The following CNTN5 variants were observed in gnomAD, a reference collection of about 807,000 sequenced individuals.
CNTN5 encodes contactin 5.
Under a neutral mutation model 129.1 loss-of-function variants are expected in CNTN5, and 77 were observed. The ratio of observed to expected loss-of-function variants is 0.60; its 90% CI spans 0.50 to 0.72. The LOEUF (loss-of-function observed/expected upper bound fraction) is 0.72, where lower values mean the gene tolerates loss of function less well. CNTN5 is among the 30% of genes least tolerant of loss of function. The pLI, the probability that CNTN5 is intolerant of heterozygous loss-of-function variation, is 0.00. For missense variants in CNTN5, 1,478 were observed against 1,328.8 expected, an observed-to-expected ratio of 1.11 and a Z score of -1.75; for synonymous variants, 509 against 465.6, an observed-to-expected ratio of 1.09 and a Z score of -1.20.
chr11:99,711,598 G>C (rs762048889), intron 3 of CNTN5, among the ~76,000 whole-genome samples: 16 of 151,602 alleles, frequency 1.1e-4, no homozygotes, highest in Non-Finnish European at 1.9e-4. Context: ...CATCATTCAC[G>C]TTAGGTATTT....
chr11:100,134,350 T>G (rs1239915680), intron 13 of CNTN5, among the ~76,000 whole-genome samples: 1 of 152,162 alleles, frequency 6.6e-6, no homozygotes, highest in Non-Finnish European at 1.5e-5. Context: ...TCGATGAAAT[T>G]CAGCCTCCAC....
intron 2 of CNTN5, among the ~76,000 whole-genome samples, chr11:99,339,069 G>A (rs577452313): frequency 2.3e-4 from 35 of 149,928 alleles, no homozygotes; most frequent in East Asian, 1.2e-3. Flanking sequence ...GATAAATGCT[G>A]AGGGGATGGA....
intron 20 of CNTN5, among the ~76,000 whole-genome samples, chr11:100,306,312 A>G (rs1471198507): frequency 2.0e-5 from 3 of 151,640 alleles, no homozygotes; most frequent in African/African-American, 7.3e-5. Flanking sequence ...GAAATACTTA[A>G]ACTTGTACAG....
intron 3 of CNTN5, among the ~76,000 whole-genome samples, chr11:99,633,403 T>C (rs1951436258): frequency 6.6e-6 from 1 of 152,210 alleles, no homozygotes; most frequent in Non-Finnish European, 1.5e-5. Context: ...TTCTCACATG[T>C]CTAATAAAGA....
chr11:99,828,452 A>G (rs1221162969), intron 4 of CNTN5, among the ~76,000 whole-genome samples: 2 of 152,186 alleles, frequency 1.3e-5, no homozygotes, highest in Admixed American at 6.5e-5. Context: ...GGGCAGAGAC[A>G]GTGAGAGCAA....
chr11:100,316,534 T>A (rs1287083953), intron 21 of CNTN5, among the ~76,000 whole-genome samples: 2 of 152,232 alleles, frequency 1.3e-5, no homozygotes, highest in Non-Finnish European at 2.9e-5. Flanking sequence ...GCCAATGCCT[T>A]ACATGGGTGT....
At chr11:99,050,005 G>T (rs905181395) in intron 1 of CNTN5, among the ~76,000 whole-genome samples, 2 of 152,132 alleles carry the variant, frequency 1.3e-5, no homozygotes, top group African/African-American at 4.8e-5. Flanking sequence ...GATGGTGAGA[G>T]TATTATGCAA....
chr11:99,327,696 G>A (rs1346005512), intron 2 of CNTN5, among the ~76,000 whole-genome samples: 5 of 152,106 alleles, frequency 3.3e-5, no homozygotes, highest in East Asian at 3.8e-4. Context: ...TAAATAAAAC[G>A]CCATTTCATT....
At chr11:100,135,407 C>A (rs1257743268) in intron 13 of CNTN5, among the ~76,000 whole-genome samples, 1 of 151,926 alleles carries the variant, frequency 6.6e-6, no homozygotes, top group Non-Finnish European at 1.5e-5. Flanking sequence ...GATCTCCTGA[C>A]CTTATGATCC....
intron 4 of CNTN5, among the ~76,000 whole-genome samples, chr11:99,840,943 A>C (rs1474931677): frequency 1.3e-5 from 2 of 152,112 alleles, no homozygotes; most frequent in African/African-American, 4.8e-5. Context: ...GTATATCTAT[A>C]ATCTCTTTAC....
At chr11:99,158,115 G>A (rs1019588140) in intron 1 of CNTN5, among the ~76,000 whole-genome samples, 1 of 152,120 alleles carries the variant, frequency 6.6e-6, no homozygotes, top group African/African-American at 2.4e-5. Context: ...TAATTTGTGG[G>A]CATGAATTTT....
At chr11:100,094,338 G>A (rs2138018183) in intron 13 of CNTN5, among the ~76,000 whole-genome samples, 1 of 152,150 alleles carries the variant, frequency 6.6e-6, no homozygotes, top group South Asian at 2.1e-4. Context: ...TATTCTACTA[G>A]GCAACATACT....
At chr11:100,043,183 T>C (rs947745934) in intron 9 of CNTN5, among the ~76,000 whole-genome samples, 1 of 152,226 alleles carries the variant, frequency 6.6e-6, no homozygotes, top group Non-Finnish European at 1.5e-5. Context: ...GAATGAATCA[T>C]TCTTGATTTC....
chr11:99,933,860 C>T (rs1399318407), intron 7 of CNTN5, among the ~76,000 whole-genome samples: 1 of 152,152 alleles, frequency 6.6e-6, no homozygotes, highest in Non-Finnish European at 1.5e-5. Flanking sequence ...AATAAAGCTG[C>T]TATGGGATTA....
chr11:99,404,022 A>G (rs972364406), intron 2 of CNTN5, among the ~76,000 whole-genome samples: 9 of 152,128 alleles, frequency 5.9e-5, no homozygotes, highest in Middle Eastern at 3.2e-3. Context: ...TTGGCTTTAT[A>G]TACCTGGGTG....
chr11:99,315,913 A>G (rs1441421939), intron 1 of CNTN5, among the ~76,000 whole-genome samples: 1 of 150,204 alleles, frequency 6.7e-6, no homozygotes, highest in African/African-American at 2.4e-5. Flanking sequence ...AATGACACAA[A>G]TTATAGAGTC....
At chr11:100,351,511 G>A (rs1406224419) in intron 24 of CNTN5, among the ~76,000 whole-genome samples, 1 of 150,778 alleles carries the variant, frequency 6.6e-6, no homozygotes, top group African/African-American at 2.4e-5. Flanking sequence ...ACTAAGTTTC[G>A]GAACCAGGAT....
chr11:99,567,964 G>A (rs760703832), intron 3 of CNTN5, among the ~76,000 whole-genome samples: 1 of 152,084 alleles, frequency 6.6e-6, no homozygotes, highest in Non-Finnish European at 1.5e-5. Context: ...TTCCTGGGGT[G>A]ATATAAAATT....
intron 3 of CNTN5, among the ~76,000 whole-genome samples, chr11:99,775,753 A>G (rs1374487615): frequency 6.6e-6 from 1 of 151,892 alleles, no homozygotes; most frequent in Admixed American, 6.6e-5. Flanking sequence ...AATAATGCTA[A>G]GCATTAATAT....
Sources: gnomAD v4.1 joint callset for allele counts (sites outside exome capture counted in the v4.1 genomes callset) on GRCh38, gnomAD v4.1.1 for gene constraint, MANE v1.5 for transcripts, NCBI Gene and HGNC (gene_info 2026-07-23, HGNC 2026-07-21) for gene names.